The following HIVEP3 variants were observed in gnomAD, a reference collection of about 807,000 sequenced individuals.
HIVEP3 encodes the protein HIVEP zinc finger 3.
In HIVEP3, 49 loss-of-function variants were observed where a neutral mutation model predicts 152.8. The observed-to-expected ratio is 0.32, with a 90% CI of 0.26 to 0.41. The LOEUF is 0.41. Among genes scored for constraint, HIVEP3 ranks in the 10% least tolerant of loss-of-function variants. HIVEP3 has a pLI of 1.00. For missense variants in HIVEP3, 2,790 were observed against 3,103.3 expected, an observed-to-expected ratio of 0.90 and a Z score of 2.40; for synonymous variants, 1,269 against 1,289.0, an observed-to-expected ratio of 0.98 and a Z score of 0.33.
intron 1 of HIVEP3, among the ~76,000 whole-genome samples, chr1:41,906,594 A>G (rs924424224): frequency 1.3e-5 from 2 of 152,158 alleles, no homozygotes; most frequent in Non-Finnish European, 2.9e-5. Flanking sequence ...GGAATGTTCT[A>G]TATTTTGATG....
intron 2 of HIVEP3, among the ~76,000 whole-genome samples, chr1:41,656,184 G>A (rs1000496740): frequency 3.3e-5 from 5 of 152,128 alleles, no homozygotes; most frequent in African/African-American, 1.2e-4. Flanking sequence ...AATTCCAACA[G>A]AGTCCAGGCT....
intron 5 of HIVEP3, among the ~76,000 whole-genome samples, chr1:41,545,715 ACC>A (rs1381075021): frequency 7.8e-5 from 11 of 140,596 alleles, no homozygotes; most frequent in Admixed American, 1.4e-4. Context: ...CACCACCACC[ACC>A]ACCAATACCA....
In HIVEP3 at chr1:41,907,073, G is replaced by A. The variant is rs530373065; in HGVS notation, c.-801+11340C>T. On this transcript the variant is annotated intron_variant, in intron 1 of 8. Coordinates refer to ENST00000372583, the MANE Select transcript of HIVEP3 (RefSeq NM_024503.5). ...ACCCACAGAGAAGACTGGCAAGCCC[G>A]CAAGGCTCTCATTGGACCCCTCTGT... Among the ~76,000 whole-genome samples, 10 of 152,252 alleles carry A rather than the reference G, an allele frequency of 6.6e-5. No individual in the cohort carries two copies. The South Asian group carries it at 1.0e-3, about 16-fold the overall frequency.
chr1:41,815,847 G>T (rs1651232847), intron 1 of HIVEP3, among the ~76,000 whole-genome samples: 1 of 151,604 alleles, frequency 6.6e-6, no homozygotes, highest in Non-Finnish European at 1.5e-5. Context: ...TCGGCCCACT[G>T]CAACCCCTGC....
intron 5 of HIVEP3, among the ~76,000 whole-genome samples, chr1:41,565,110 A>G (rs1042655813): frequency 3.9e-5 from 6 of 152,240 alleles, no homozygotes; most frequent in Non-Finnish European, 5.9e-5. Context: ...AGTGCAGTTA[A>G]GCACACATAC....
At chr1:41,529,448 A>ACCCCCCCCCC (rs1553221539) in intron 5 of HIVEP3, among the ~76,000 whole-genome samples, 1 of 75,404 alleles carries the variant, frequency 1.3e-5, no homozygotes, top group Non-Finnish European at 2.5e-5. Flanking sequence ...CTCACACCCC[A>ACCCCCCCCCC]CACCCTCACA....
intron 5 of HIVEP3, among the ~76,000 whole-genome samples, chr1:41,546,618 C>T (rs1008875026): frequency 6.6e-6 from 1 of 152,248 alleles, no homozygotes; most frequent in African/African-American, 2.4e-5. Context: ...CAAGGTCACA[C>T]AGCCATTGGC....
intron 1 of HIVEP3, among the ~76,000 whole-genome samples, chr1:41,738,579 T>A (rs1222349623): frequency 2.0e-5 from 3 of 152,176 alleles, no homozygotes; most frequent in Non-Finnish European, 4.4e-5. Context: ...GTCTGAGGCA[T>A]CAGGTGACTT....
At chr1:41,536,293 C>T (rs2149065894) in intron 5 of HIVEP3, among the ~76,000 whole-genome samples, 1 of 152,166 alleles carries the variant, frequency 6.6e-6, no homozygotes, top group East Asian at 1.9e-4. Flanking sequence ...TTCTACTACT[C>T]CTAGCTAGTG....
In HIVEP3 at chr1:41,703,734, C is replaced by T. The variant is rs118040315; in HGVS notation, c.-800-2739G>A. 2.4e-4 allele frequency among the ~76,000 whole-genome samples: 37 copies of T among 152,302 alleles called. No homozygotes were observed. The East Asian group carries it at 6.6e-3, about 27-fold the overall frequency. On this transcript the variant is annotated intron_variant, in intron 1 of 8. Transcript: ENST00000372583. ...ATTGGATTGTTGAATGGATAAAATA[C>T]TTTCTGTAAAGAAGTAAGTATCTAT...
intron 1 of HIVEP3, among the ~76,000 whole-genome samples, chr1:41,893,670 C>T (rs1644482553): frequency 6.6e-6 from 1 of 151,600 alleles, no homozygotes; most frequent in Non-Finnish European, 1.5e-5. Context: ...TAACTTACTT[C>T]ACCTGTCAGA....
intron 1 of HIVEP3, among the ~76,000 whole-genome samples, chr1:41,983,090 C>A (rs556232115): frequency 6.6e-6 from 1 of 152,192 alleles, no homozygotes; most frequent in Non-Finnish European, 1.5e-5. Context: ...CACACCCCTA[C>A]GAGAATCTAA....
chr1:41,544,897 TCA>T (rs1558046657), intron 5 of HIVEP3, among the ~76,000 whole-genome samples: 2 of 880 alleles, frequency 2.3e-3, no homozygotes, highest in African/African-American at 9.4e-3. Flanking sequence ...ACCACCACCA[TCA>T]CCACCACCAC....
At chr1:41,862,068 G>A (rs146743443) in intron 1 of HIVEP3, among the ~76,000 whole-genome samples, 21 of 152,286 alleles carry the variant, frequency 1.4e-4, no homozygotes, top group Non-Finnish European at 2.1e-4. Flanking sequence ...AGGTGGCATC[G>A]TCAGACATAA....
At chr1:41,860,627 CG>C (rs1643875347) in intron 1 of HIVEP3, among the ~76,000 whole-genome samples, 1 of 152,192 alleles carries the variant, frequency 6.6e-6, no homozygotes, top group African/African-American at 2.4e-5. Flanking sequence ...ATGTATCTGA[CG>C]CCCTCCTTTT....
rs1644408738 is a variant in HIVEP3 at position 41,581,536 on chromosome 1, T to A, written c.3262A>T (p.Ile1088Phe). 1 of 1,598,646 alleles carries A rather than the reference T, an allele frequency of 6.3e-7. No individual in the cohort carries two copies. The highest frequency in any genetic ancestry group is 8.5e-7 in the Non-Finnish European group (1 of 1,172,314). ...CCATGTGAGGTGGCCGCAGAGGAAA[T>A]CTGGGACAATGAGCTTTTGGCAGAG... ...KPSAKSSLSQ[I>F]SSAATSHGGP... is the part of the protein sequence containing the mutation. The change falls in exon 4 of 9, where the codon ATT becomes TTT. Residue 1088 changes from isoleucine (I) to phenylalanine (F), a missense_variant. Ile to Phe is a conservative substitution (Grantham distance 21, BLOSUM62 0). Around this residue, in one of 9 missense-constraint regions of HIVEP3, gnomAD observed 1,078 missense variants for 1,165.3 expected, o/e 0.93. Transcript: ENST00000372583. The surrounding 1 kb of genome is among the most constrained non-coding windows in gnomAD (Gnocchi z 4.5).
chr1:41,790,591 G>A (rs11210527), intron 1 of HIVEP3, among the ~76,000 whole-genome samples: 37,983 of 152,008 alleles, frequency 0.25, 5,853 homozygotes, highest in East Asian at 0.45. Flanking sequence ...CAGAATGTGA[G>A]GATTAAATGT....
intron 2 of HIVEP3, among the ~76,000 whole-genome samples, chr1:41,633,925 T>C (rs1570164905): frequency 6.6e-6 from 1 of 152,180 alleles, no homozygotes; most frequent in Admixed American, 6.5e-5. Context: ...TCTGGGGAGC[T>C]GGCATTTGAC....
Position 41,988,936 on chromosome 1 carries a change from G to T in HIVEP3, n.119+46871C>A, listed in dbSNP as rs1283280903. On this transcript the variant is annotated intron_variant and non_coding_transcript_variant, in intron 1 of 3. Transcript: ENST00000489103. Reference sequence around the variant, plus strand: ...TTGTGAAAACACAGATGAACCTAAAGAATATTATGTTAAGCTAAATAAGCC... The same window carrying T: ...TTGTGAAAACACAGATGAACCTAAATAATATTATGTTAAGCTAAATAAGCC... Among the ~76,000 whole-genome samples, 4 of 152,110 alleles carry T rather than the reference G, an allele frequency of 2.6e-5. No individual in the cohort carries two copies. The East Asian group carries it at 7.7e-4, about 29-fold the overall frequency.
Sources: gnomAD v4.1 joint callset for allele counts (sites outside exome capture counted in the v4.1 genomes callset) on GRCh38, gnomAD v4.1.1 for gene constraint, gnomAD v4.1.1 regional missense constraint, Gnocchi (gnomAD v3.1) non-coding constraint, MANE v1.5 for transcripts, NCBI Gene and HGNC (gene_info 2026-07-23, HGNC 2026-07-21) for gene names.